NLGN1: variants seen among roughly 807,000 people sequenced by gnomAD.
The protein encoded by NLGN1 is neuroligin 1.
NLGN1 carries 12 observed loss-of-function variants against 65.5 expected under a neutral mutation model. The observed-to-expected ratio is 0.18, with a 90% CI of 0.12 to 0.30. NLGN1 has a LOEUF of 0.30. Ranked by LOEUF, NLGN1 falls within the 10% of genes least tolerant of loss-of-function variation. The pLI is 1.00. For synonymous variants in NLGN1, 350 were observed against 359.5 expected (o/e 0.97, Z 0.30); for missense variants, 750 against 1,007.1 (o/e 0.74, Z 3.46).
intron 4 of NLGN1, among the ~76,000 whole-genome samples, chr3:173,962,610 T>C (rs910905467): frequency 6.6e-6 from 1 of 152,166 alleles, no homozygotes; most frequent in Admixed American, 6.5e-5. Context: ...TTATTTTGAA[T>C]TGGAGATTTA....
rs535783774 is a variant in NLGN1, at chr3:173,841,060, T to A, written c.646+33228T>A. On this transcript the variant is annotated intron_variant, in intron 4 of 6. Transcript: ENST00000457714. The stretch of plus-strand genomic sequence containing the variant: ...TAACTTTGTAATGATTATTCCCCAC[T>A]TTTTCTCAGTGTCTAAGTAATCCTA... Among the ~76,000 whole-genome samples, 13 of 152,212 alleles carry A rather than the reference T, an allele frequency of 8.5e-5. No individual in the cohort carries two copies. In the South Asian group the frequency reaches 2.7e-3, roughly 32 times the overall value.
At chr3:173,717,404 T>C (rs1664440975) in intron 3 of NLGN1, among the ~76,000 whole-genome samples, 2 of 152,178 alleles carry the variant, frequency 1.3e-5, no homozygotes, top group Admixed American at 1.3e-4. Flanking sequence ...CAGTTAATAT[T>C]GGGAGTGCAT....
At chr3:173,985,865 G>A (rs539251313) in intron 4 of NLGN1, among the ~76,000 whole-genome samples, 4 of 152,034 alleles carry the variant, frequency 2.6e-5, no homozygotes, top group Non-Finnish European at 4.4e-5. Context: ...CAGGAGAATC[G>A]CTTGAACCTG....
At chr3:173,748,055 C>T (rs1033323675) in intron 3 of NLGN1, among the ~76,000 whole-genome samples, 1 of 151,780 alleles carries the variant, frequency 6.6e-6, no homozygotes, top group Non-Finnish European at 1.5e-5. Context: ...CCATCTCTAC[C>T]TCCCAAAGTG....
intron 3 of NLGN1, among the ~76,000 whole-genome samples, chr3:173,656,781 T>G (rs1760113786): frequency 6.6e-6 from 1 of 152,164 alleles, no homozygotes; most frequent in East Asian, 1.9e-4. Flanking sequence ...CAAAGGATTG[T>G]TATGAACACC....
intron 1 of NLGN1, among the ~76,000 whole-genome samples, chr3:173,408,367 A>T (rs943416040): frequency 1.6e-4 from 25 of 152,276 alleles, no homozygotes; most frequent in Admixed American, 3.3e-4. Flanking sequence ...TCACTTAAAA[A>T]TTTTTAACAT....
chr3:173,745,584 T>C (rs1369372316), intron 3 of NLGN1, among the ~76,000 whole-genome samples: 1 of 151,994 alleles, frequency 6.6e-6, no homozygotes, highest in Non-Finnish European at 1.5e-5. Context: ...GTAGTATACA[T>C]TGTTTGAGAC....
At chr3:173,607,542 G>T (rs1376064700) in intron 3 of NLGN1, among the ~76,000 whole-genome samples, 1 of 151,452 alleles carries the variant, frequency 6.6e-6, no homozygotes, top group Non-Finnish European at 1.5e-5. Context: ...AAAAACTAAA[G>T]TTTAGAGTTT....
At chr3:174,231,034 T>C (rs1245464632) in intron 4 of NLGN1, among the ~76,000 whole-genome samples, 1 of 152,148 alleles carries the variant, frequency 6.6e-6, no homozygotes, top group African/African-American at 2.4e-5. Flanking sequence ...TGTTTCAAAG[T>C]TAAGCTATAA....
chr3:173,568,678 TTTTG>T (rs929932487), intron 2 of NLGN1, among the ~76,000 whole-genome samples: 5 of 151,560 alleles, frequency 3.3e-5, no homozygotes, highest in African/African-American at 1.2e-4. Flanking sequence ...TCTAGGACTT[TTTTG>T]TTTGTTTGTT....
intron 2 of NLGN1, among the ~76,000 whole-genome samples, chr3:173,514,058 A>G (rs945742613): frequency 6.6e-6 from 1 of 152,180 alleles, no homozygotes; most frequent in African/African-American, 2.4e-5. Flanking sequence ...ATATCATGTT[A>G]AGTTACTCAC....
intron 4 of NLGN1, among the ~76,000 whole-genome samples, chr3:173,944,127 GTGTGTGTGTGT>G (rs1746713150): frequency 1.7e-5 from 2 of 119,096 alleles, no homozygotes; most frequent in Non-Finnish European, 1.8e-5. Flanking sequence ...TATTATGGGT[GTGTGTGTGTGT>G]GTGTGTGTGT....
chr3:173,514,744 G>A (rs890973327), intron 2 of NLGN1, among the ~76,000 whole-genome samples: 5 of 152,048 alleles, frequency 3.3e-5, no homozygotes, highest in Non-Finnish European at 7.4e-5. Flanking sequence ...CTCATGTAAG[G>A]GGAATATTGT....
In NLGN1 at chr3:174,213,810, G is replaced by A. The variant is rs900222249; in HGVS notation, c.647-61505G>A. Among the ~76,000 whole-genome samples, 9 of 152,142 alleles carry A rather than the reference G, an allele frequency of 5.9e-5. No homozygotes were observed. The East Asian group carries it at 1.5e-3, about 26-fold the overall frequency. ...ATTTAAATTACTGAATTATTTTAAC[G>A]TTATAATTTACTTTTGAAAACTATT... On this transcript the variant is annotated intron_variant, in intron 4 of 6. Transcript: ENST00000457714.
intron 4 of NLGN1, among the ~76,000 whole-genome samples, chr3:174,261,819 G>T (rs1163552539): frequency 2.0e-5 from 3 of 149,612 alleles, no homozygotes; most frequent in South Asian, 2.1e-4. Context: ...TGGCTGTGGG[G>T]TTGTCATAGA....
intron 3 of NLGN1, among the ~76,000 whole-genome samples, chr3:173,670,683 T>G (rs1339084469): frequency 6.6e-6 from 1 of 152,190 alleles, no homozygotes; most frequent in East Asian, 1.9e-4. Flanking sequence ...TATCAAAATG[T>G]CATCTTCAGG....
At chr3:173,722,956 T>C (rs911432765) in intron 3 of NLGN1, among the ~76,000 whole-genome samples, 1 of 152,216 alleles carries the variant, frequency 6.6e-6, no homozygotes, top group Admixed American at 6.5e-5. Flanking sequence ...AATATTTTAA[T>C]AAGATAGGCA....
At chr3:174,001,001 A>G (rs112418030) in intron 4 of NLGN1, among the ~76,000 whole-genome samples, 4 of 152,288 alleles carry the variant, frequency 2.6e-5, no homozygotes, top group African/African-American at 9.6e-5. Flanking sequence ...AGCTGAGTGC[A>G]CACTGCCTGT....
chr3:173,428,828 C>G (rs1716645807), intron 1 of NLGN1, among the ~76,000 whole-genome samples: 1 of 151,662 alleles, frequency 6.6e-6, no homozygotes, highest in Non-Finnish European at 1.5e-5. Context: ...TAAGCTCAGT[C>G]TGGTGGTGAT....
Sources: gnomAD v4.1 joint callset for allele counts (sites outside exome capture counted in the v4.1 genomes callset) on GRCh38, gnomAD v4.1.1 for gene constraint, MANE v1.5 for transcripts, NCBI Gene and HGNC (gene_info 2026-07-23, HGNC 2026-07-21) for gene names.